Variants in PDZRN3 observed in about 807,000 individuals in gnomAD.
The protein encoded by PDZRN3 is PDZ domain containing ring finger 3.
Under a neutral mutation model 85.7 loss-of-function variants are expected in PDZRN3, and 38 were observed. That is an observed-to-expected ratio of 0.44 (90% CI 0.34 to 0.58). PDZRN3 has a LOEUF of 0.58. PDZRN3 is among the 20% of genes least tolerant of loss of function. PDZRN3 has a pLI of 0.01. For synonymous variants in PDZRN3, 759 were observed against 638.0 expected (o/e 1.19, Z -2.86); for missense variants, 1,629 against 1,506.4 (o/e 1.08, Z -1.35).
At chr3:73,527,999 C>T (rs1035134961) in intron 3 of PDZRN3, among the ~76,000 whole-genome samples, 6 of 152,294 alleles carry the variant, frequency 3.9e-5, no homozygotes, top group East Asian at 1.9e-4. Flanking sequence ...AAAAGCCCAC[C>T]GGCTTATGTC....
At chr3:73,500,914 C>A (rs1703965343) in intron 3 of PDZRN3, among the ~76,000 whole-genome samples, 1 of 152,132 alleles carries the variant, frequency 6.6e-6, no homozygotes, top group African/African-American at 2.4e-5. Flanking sequence ...TGAGCTATAT[C>A]ATTTCTTTTT....
chr3:73,533,392 C>T (rs1704704637), intron 3 of PDZRN3, among the ~76,000 whole-genome samples: 1 of 152,140 alleles, frequency 6.6e-6, no homozygotes, highest in Non-Finnish European at 1.5e-5. Flanking sequence ...TTACTCAAAT[C>T]TTTTCAAAAA....
chr3:73,383,061 G>T lies in PDZRN3; in HGVS notation c.*304C>A. On this transcript the variant is annotated 3_prime_UTR_variant, in exon 10 of 10. Transcript: ENST00000263666. ...TAAACAAGTTATTCTGTGAAAGTAT[G>T]CTTAATAAAAGATCTTTCTGAAATT... The T allele has an allele frequency of 3.8e-6, 1 of 264,528 alleles. No homozygotes were observed. The allele number at this position is 264,528 out of a possible 1,614,324, so 16.4% of individuals were successfully genotyped here.
intron 3 of PDZRN3, among the ~76,000 whole-genome samples, chr3:73,556,255 TA>T (rs1041748651): frequency 4.6e-5 from 7 of 152,026 alleles, no homozygotes; most frequent in Non-Finnish European, 5.9e-5. Context: ...AAAGTTAAGA[TA>T]TTTTTTCCAA....
At chr3:73,461,857 C>T (rs536678186) in intron 3 of PDZRN3, among the ~76,000 whole-genome samples, 8 of 152,162 alleles carry the variant, frequency 5.3e-5, no homozygotes, top group South Asian at 2.1e-4. Flanking sequence ...GCAGGGCCAG[C>T]GCTTGGACAG....
intron 3 of PDZRN3, chr3:73,434,023 T>C: frequency 2.0e-6 from 2 of 1,010,756 alleles, no homozygotes; most frequent in Non-Finnish European, 2.5e-6. Flanking sequence ...ACACGCTATA[T>C]ATACTGCTGC....
At chr3:73,579,387 TGGGGTCTAA>T (rs887966493) in intron 3 of PDZRN3, among the ~76,000 whole-genome samples, 1 of 152,212 alleles carries the variant, frequency 6.6e-6, no homozygotes, top group African/African-American at 2.4e-5. Flanking sequence ...TCCTACTCTG[TGGGGTCTAA>T]AGCCAATAAA....
At chr3:73,555,941 C>CTAA (rs1701684893) in intron 3 of PDZRN3, among the ~76,000 whole-genome samples, 1 of 152,166 alleles carries the variant, frequency 6.6e-6, no homozygotes, top group Admixed American at 6.5e-5. Context: ...ATGCAGAGTA[C>CTAA]TGTGCTAATC....
rs999347145 is a variant in PDZRN3, at chr3:73,569,378, C to T, written c.918+32976G>A. On this transcript the variant is annotated intron_variant, in intron 3 of 9. Coordinates refer to ENST00000263666, the MANE Select transcript of PDZRN3 (RefSeq NM_015009.3). The stretch of plus-strand genomic sequence containing the variant: ...AGTGAGGAGGCTGGGAGGGAGGGGG[C>T]CACATGTGTGCCGCATACCTGTACA... 6.7e-6 allele frequency: 8 copies of T among 1,200,094 alleles called. No homozygotes were observed. The Admixed American group carries it at 2.5e-4, about 37-fold the overall frequency. The allele number at this position is 1,200,094 out of a possible 1,614,324, so 74.3% of individuals were successfully genotyped here. A position where few individuals can be genotyped will look rare whatever the true frequency, so the allele number is the denominator to read the frequency against.
intron 3 of PDZRN3, among the ~76,000 whole-genome samples, chr3:73,430,878 TTAA>T (rs1702417135): frequency 3.3e-5 from 5 of 152,184 alleles, no homozygotes; most frequent in Admixed American, 2.6e-4. Flanking sequence ...TCCTTTCACC[TTAA>T]TAGTGCTTCT....
In PDZRN3 at chr3:73,386,336, C is replaced by T. The variant is rs1701386507; in HGVS notation, c.1519-551G>A. 2.0e-5 allele frequency among the ~76,000 whole-genome samples: 3 copies of T among 147,076 alleles called. No homozygotes were observed. The Admixed American group carries it at 2.1e-4, about 10-fold the overall frequency. On this transcript the variant is annotated intron_variant, in intron 8 of 9. Coordinates refer to ENST00000263666, the MANE Select transcript of PDZRN3 (RefSeq NM_015009.3). ...TCTGCCTCCCGAGTAGCTGGGATTACAGGCAATGCGCCACTATGCCCAGCT... is the reference window on the plus strand; with the variant it reads ...TCTGCCTCCCGAGTAGCTGGGATTATAGGCAATGCGCCACTATGCCCAGCT...
At chr3:73,521,722 G>C (rs1179442232) in intron 3 of PDZRN3, among the ~76,000 whole-genome samples, 1 of 152,032 alleles carries the variant, frequency 6.6e-6, no homozygotes, top group Admixed American at 6.6e-5. Context: ...ACCCTGCAAC[G>C]CCTCTCCAAG....
At chr3:73,538,690 T>G (rs868552106) in intron 3 of PDZRN3, among the ~76,000 whole-genome samples, 9 of 152,366 alleles carry the variant, frequency 5.9e-5, no homozygotes, top group Middle Eastern at 3.4e-3. Flanking sequence ...TTAAGAGTTT[T>G]GCAAGCCTTG....
chr3:73,465,221 T>C (rs1703189175), intron 3 of PDZRN3, among the ~76,000 whole-genome samples: 3 of 152,354 alleles, frequency 2.0e-5, no homozygotes, highest in South Asian at 2.1e-4. Flanking sequence ...TGGTGCCTGG[T>C]ACACAGCAGG....
chr3:73,384,017 G>T lies in PDZRN3; in HGVS notation c.2549C>A (p.Thr850Lys), dbSNP rs550029791. 1.4e-5 allele frequency: 23 copies of T among 1,591,542 alleles called. No individual in the cohort carries two copies. The South Asian group carries it at 2.5e-4, about 17-fold the overall frequency. ...GGCGCTGCCCAGCTTCTGGCTGGGC[G>T]TGGGGCTCCGGCTCCCGTCGCTGGC... ...RRASDGSRSP[T>K]PSQKLGSAYL... The change falls in exon 10 of 10, where the codon ACG (threonine) becomes AAG (lysine). Residue 850 changes from threonine (T) to lysine (K), a missense_variant. Coordinates refer to ENST00000263666, the MANE Select transcript of PDZRN3 (RefSeq NM_015009.3).
At chr3:73,467,051 C>G (rs570493511) in intron 3 of PDZRN3, among the ~76,000 whole-genome samples, 2 of 152,276 alleles carry the variant, frequency 1.3e-5, no homozygotes, top group East Asian at 3.9e-4. Flanking sequence ...CAGTCATAAT[C>G]TAGGGACTGT....
intron 3 of PDZRN3, among the ~76,000 whole-genome samples, chr3:73,563,457 C>A (rs910820649): frequency 6.6e-6 from 1 of 152,086 alleles, no homozygotes; most frequent in Non-Finnish European, 1.5e-5. Flanking sequence ...TTTACACAGA[C>A]TAAAACCTTA....
chr3:73,534,615 G>T (rs1393304838), intron 3 of PDZRN3, among the ~76,000 whole-genome samples: 1 of 152,208 alleles, frequency 6.6e-6, no homozygotes, highest in Admixed American at 6.5e-5. Flanking sequence ...CATGGGTCAA[G>T]ATTTACAAGG....
intron 3 of PDZRN3, among the ~76,000 whole-genome samples, chr3:73,414,939 A>G (rs574158359): frequency 6.6e-6 from 1 of 152,340 alleles, no homozygotes; most frequent in South Asian, 2.1e-4. Context: ...TTGAATCTCT[A>G]GCAATGCTTA....
Sources: gnomAD v4.1 joint callset for allele counts (sites outside exome capture counted in the v4.1 genomes callset) on GRCh38, gnomAD v4.1.1 for gene constraint, MANE v1.5 for transcripts, NCBI Gene and HGNC (gene_info 2026-07-23, HGNC 2026-07-21) for gene names.